NRXN3: variants seen among roughly 807,000 people sequenced by gnomAD.
NRXN3 encodes the protein neurexin III.
In NRXN3, 32 loss-of-function variants were observed where a neutral mutation model predicts 137.6. The ratio of observed to expected loss-of-function variants is 0.23; its 90% CI spans 0.18 to 0.31. NRXN3 has a LOEUF of 0.31. NRXN3 is among the 10% of genes least tolerant of loss of function. The probability of loss-of-function intolerance (pLI) is 1.00; values close to 1 mark genes in which losing one functional copy is unlikely to be tolerated. For synonymous variants in NRXN3, 798 were observed against 784.5 expected, an observed-to-expected ratio of 1.02 and a Z score of -0.29; for missense variants, 1,574 against 2,062.5, an observed-to-expected ratio of 0.76 and a Z score of 4.59.
chr14:79,247,766 T>C (rs1464888829), intron 15 of NRXN3, among the ~76,000 whole-genome samples: 1 of 152,150 alleles, frequency 6.6e-6, no homozygotes, highest in Non-Finnish European at 1.5e-5. Flanking sequence ...TTTTATTTTT[T>C]AACATGCATT....
At chr14:79,195,725 C>T (rs1253809462) in intron 15 of NRXN3, among the ~76,000 whole-genome samples, 1 of 152,122 alleles carries the variant, frequency 6.6e-6, no homozygotes, top group African/African-American at 2.4e-5. Context: ...CCCATGAAAA[C>T]AGAAGTGATT....
At chr14:78,511,241 T>A (rs2096101330) in intron 4 of NRXN3, among the ~76,000 whole-genome samples, 1 of 152,188 alleles carries the variant, frequency 6.6e-6, no homozygotes, top group Admixed American at 6.5e-5. Context: ...ATGGGGACAT[T>A]GGGCGTGTTT....
At chr14:79,691,061 G>A (rs1302765908) in intron 17 of NRXN3, among the ~76,000 whole-genome samples, 2 of 152,052 alleles carry the variant, frequency 1.3e-5, no homozygotes, top group Admixed American at 1.3e-4. Context: ...GTTGGTTGAT[G>A]AGATAGAACA....
At chr14:78,923,921 G>T (rs1264057883) in intron 10 of NRXN3, among the ~76,000 whole-genome samples, 3 of 152,122 alleles carry the variant, frequency 2.0e-5, no homozygotes, top group Non-Finnish European at 4.4e-5. Flanking sequence ...TTTCTGTAAG[G>T]TTATTCTAAG....
intron 4 of NRXN3, among the ~76,000 whole-genome samples, chr14:78,402,895 T>C (rs1397587985): frequency 6.6e-6 from 1 of 152,168 alleles, no homozygotes; most frequent in Non-Finnish European, 1.5e-5. Flanking sequence ...ATTAACACTA[T>C]TAAGGAGTAA....
intron 15 of NRXN3, among the ~76,000 whole-genome samples, chr14:79,366,565 A>G (rs1457189748): frequency 6.6e-6 from 1 of 152,130 alleles, no homozygotes; most frequent in Non-Finnish European, 1.5e-5. Flanking sequence ...AGAACATTCC[A>G]TGCACTTCTA....
At chr14:78,836,248 T>C (rs1307943157) in intron 10 of NRXN3, among the ~76,000 whole-genome samples, 1 of 152,240 alleles carries the variant, frequency 6.6e-6, no homozygotes, top group African/African-American at 2.4e-5. Flanking sequence ...ATGTTACTTA[T>C]TCTATTATCT....
intron 4 of NRXN3, among the ~76,000 whole-genome samples, chr14:78,323,294 G>A (rs2079626213): frequency 6.6e-6 from 1 of 151,946 alleles, no homozygotes; most frequent in Non-Finnish European, 1.5e-5. Flanking sequence ...TAACACAGAA[G>A]GAGGTGAGTT....
intron 10 of NRXN3, among the ~76,000 whole-genome samples, chr14:78,848,608 A>C (rs755614042): frequency 2.3e-4 from 35 of 152,194 alleles, no homozygotes; most frequent in Non-Finnish European, 4.4e-4. Flanking sequence ...CAGATGAAAT[A>C]ATAGAAGAAA....
At chr14:79,393,946 T>A (rs909989262) in intron 15 of NRXN3, among the ~76,000 whole-genome samples, 1 of 152,222 alleles carries the variant, frequency 6.6e-6, no homozygotes, top group Non-Finnish European at 1.5e-5. Flanking sequence ...TTCTGTTATT[T>A]TTGTTTAATT....
intron 8 of NRXN3, among the ~76,000 whole-genome samples, chr14:78,789,444 G>A (rs901744947): frequency 1.3e-5 from 2 of 152,076 alleles, no homozygotes; most frequent in Non-Finnish European, 2.9e-5. Context: ...GGAGGCCAGG[G>A]ATACCGCTAG....
intron 4 of NRXN3, among the ~76,000 whole-genome samples, chr14:78,590,251 T>C (rs2152398724): frequency 6.6e-6 from 1 of 152,298 alleles, no homozygotes; most frequent in Admixed American, 6.5e-5. Flanking sequence ...GCATGGGGCC[T>C]GTAGAAGTAA....
chr14:78,621,938 T>C (rs975025970), intron 4 of NRXN3, among the ~76,000 whole-genome samples: 3 of 152,200 alleles, frequency 2.0e-5, no homozygotes, highest in Non-Finnish European at 2.9e-5. Context: ...TATTAGTACC[T>C]ATTAGTACCT....
intron 16 of NRXN3, among the ~76,000 whole-genome samples, chr14:79,473,079 C>G (rs572066009): frequency 4.6e-5 from 7 of 152,160 alleles, no homozygotes; most frequent in African/African-American, 1.7e-4. Flanking sequence ...TTTTGTTTGA[C>G]AAGAATCTAT....
chr14:78,274,494 A>T (rs769212692), intron 2 of NRXN3, among the ~76,000 whole-genome samples: 3 of 152,170 alleles, frequency 2.0e-5, no homozygotes, highest in Non-Finnish European at 4.4e-5. Context: ...GGTCCCTCCC[A>T]TGACTTGTGG....
At chr14:79,797,902 C>T (rs6574523) in intron 19 of NRXN3, among the ~76,000 whole-genome samples, 88,705 of 151,772 alleles carry the variant, frequency 0.58, 26,284 homozygotes, top group Middle Eastern at 0.74. Flanking sequence ...AGACCAGCCT[C>T]GGCAACATGG....
At chr14:78,425,711 A>G (rs925403512) in intron 4 of NRXN3, among the ~76,000 whole-genome samples, 2 of 151,864 alleles carry the variant, frequency 1.3e-5, no homozygotes, top group Non-Finnish European at 2.9e-5. Context: ...AGAATAATAT[A>G]TTTTCTACCC....
rs550823937 is a variant in NRXN3 at position 79,662,967 on chromosome 14, G to A, written c.3445-811G>A. On this transcript the variant is annotated intron_variant, in intron 16 of 20. Coordinates refer to ENST00000335750, the MANE Select transcript of NRXN3 (RefSeq NM_001330195.2). ...GGGGACACATCCACACCATATCACCGTCTTCACTGCCATAGTGTTACTCTT... is the reference window on the plus strand; with the variant it reads ...GGGGACACATCCACACCATATCACCATCTTCACTGCCATAGTGTTACTCTT... Among the ~76,000 whole-genome samples the A allele has an allele frequency of 8.5e-5, 13 of 152,132 alleles. No individual in the cohort carries two copies. The East Asian group carries it at 2.1e-3, about 25-fold the overall frequency.
intron 15 of NRXN3, among the ~76,000 whole-genome samples, chr14:79,016,039 T>C (rs2938030): frequency 0.03 from 4,502 of 152,136 alleles, 251 homozygotes; most frequent in African/African-American, 0.1. Context: ...CCAAAGCAAG[T>C]GTCTTTCCCT....
Sources: gnomAD v4.1 joint callset for allele counts (sites outside exome capture counted in the v4.1 genomes callset) on GRCh38, gnomAD v4.1.1 for gene constraint, MANE v1.5 for transcripts, NCBI Gene and HGNC (gene_info 2026-07-23, HGNC 2026-07-21) for gene names.